Variants in AMOTL1 observed in about 807,000 individuals in gnomAD.
AMOTL1 encodes the protein angiomotin-like protein 1.
In AMOTL1, 45 loss-of-function variants were observed where a neutral mutation model predicts 102.9. That is an observed-to-expected ratio of 0.44 (90% CI 0.34 to 0.56). The LOEUF (loss-of-function observed/expected upper bound fraction) is 0.56. Among genes scored for constraint, AMOTL1 ranks in the 20% least tolerant of loss-of-function variants. The probability of loss-of-function intolerance (pLI) is 0.01; values close to 1 mark genes in which losing one functional copy is unlikely to be tolerated. For synonymous variants in AMOTL1, 481 were observed against 484.7 expected (o/e 0.99, Z 0.10); for missense variants, 1,114 against 1,225.6 (o/e 0.91, Z 1.36).
At chr11:94,744,728 T>C (rs554880077) in intron 3 of AMOTL1, among the ~76,000 whole-genome samples, 1 of 152,208 alleles carries the variant, frequency 6.6e-6, no homozygotes, top group Non-Finnish European at 1.5e-5. Flanking sequence ...TCATGGAGTT[T>C]AAATTTGTAA....
At position 94,872,349 on chromosome 11, in the gene AMOTL1, T is replaced by A. The variant is rs1450518239; in HGVS notation, c.*1554T>A. 1.3e-5 allele frequency: 2 copies of A among 152,244 alleles called. No individual in the cohort carries two copies. Among genetic ancestry groups the A allele is most frequent in the Non-Finnish European group, 2.9e-5 (2 of 68,092 alleles). 9.4% of individuals were successfully genotyped at this position (152,244 alleles called of 1,614,324 possible). On this transcript the variant is annotated 3_prime_UTR_variant, in exon 13 of 13. Coordinates refer to ENST00000433060, the MANE Select transcript of AMOTL1 (RefSeq NM_130847.3). ...TGTACCTCCAGGTCAGCTGGATCGC[T>A]GTTTTCCCAGTTCCCTTTGCTCATG... is the stretch of plus-strand genomic sequence containing the variant.
intron 3 of AMOTL1, among the ~76,000 whole-genome samples, chr11:94,750,549 G>A (rs1254069958): frequency 1.3e-5 from 2 of 152,132 alleles, no homozygotes; most frequent in African/African-American, 2.4e-5. Context: ...GGATTGGGTG[G>A]GCTACGTGTG....
rs182320374 is a variant in AMOTL1 at position 94,850,531 on chromosome 11, G to A, written c.1794+272G>A. On this transcript the variant is annotated intron_variant, in intron 7 of 12. Transcript: ENST00000433060. ...CAGCCTACAGCCCATCGGTTGACAC[G>A]TGTCCTACTCAGTCATCATGCATTG... 2.0e-4 allele frequency among the ~76,000 whole-genome samples: 30 copies of A among 152,362 alleles called. No homozygotes were observed. The East Asian group carries it at 5.0e-3, about 25-fold the overall frequency.
intron 3 of AMOTL1, among the ~76,000 whole-genome samples, chr11:94,818,169 A>G (rs1160758594): frequency 6.6e-6 from 1 of 152,246 alleles, no homozygotes; most frequent in African/African-American, 2.4e-5. Context: ...TTGGAATGGC[A>G]TACTTTTAGA....
rs761369392 is a variant in AMOTL1 at position 94,866,055 on chromosome 11, G to A, written c.2375G>A (p.Arg792His). Residue 792 changes from arginine to histidine, a missense_variant, in exon 11 of 13, where the codon CGC (arginine) becomes CAC (histidine). Arg to His is a conservative substitution (Grantham distance 29). Coordinates refer to ENST00000433060, the MANE Select transcript of AMOTL1 (RefSeq NM_130847.3). ...KTDSSSLRPA[R>H]SVPSIAAATG... ...GACTCCTCCAGCCTACGTCCTGCCCGCTCCGTTCCATCCATAGCAGCAGCT... is the reference window on the plus strand; with the variant it reads ...GACTCCTCCAGCCTACGTCCTGCCCACTCCGTTCCATCCATAGCAGCAGCT... 13 of 1,613,900 alleles carry A rather than the reference G, an allele frequency of 8.1e-6. No individual in the cohort carries two copies. Among genetic ancestry groups the A allele is most frequent in the Admixed American group, 1.7e-5 (1 of 60,012 alleles).
intron 6 of AMOTL1, among the ~76,000 whole-genome samples, chr11:94,845,382 T>C (rs781295346): frequency 1.2e-4 from 18 of 152,332 alleles, no homozygotes; most frequent in Non-Finnish European, 2.2e-4. Flanking sequence ...CATTCGACAT[T>C]GTACAAGTGT....
At chr11:94,771,394 T>C (rs1401149588) in intron 1 of AMOTL1, among the ~76,000 whole-genome samples, 1 of 152,028 alleles carries the variant, frequency 6.6e-6, no homozygotes, top group African/African-American at 2.4e-5. Context: ...ACTCAGAATT[T>C]AGTAGGTAAT....
At chr11:94,823,263 C>A (rs376586646) in intron 4 of AMOTL1, among the ~76,000 whole-genome samples, 1 of 152,196 alleles carries the variant, frequency 6.6e-6, no homozygotes, top group African/African-American at 2.4e-5. Context: ...CTGGAGCTCC[C>A]TGGAGTCAAG....
At chr11:94,743,660 T>C (rs1164180615) in intron 3 of AMOTL1, among the ~76,000 whole-genome samples, 25 of 140,640 alleles carry the variant, frequency 1.8e-4, no homozygotes, top group Non-Finnish European at 2.8e-4. Flanking sequence ...TCTTTTTTTT[T>C]TTTTTTTTTT....
intron 3 of AMOTL1, among the ~76,000 whole-genome samples, chr11:94,742,466 C>T (rs1950540312): frequency 6.6e-6 from 1 of 152,194 alleles, no homozygotes; most frequent in South Asian, 2.1e-4. Flanking sequence ...TGTTTGCCTT[C>T]ACAGAATGAT....
intron 6 of AMOTL1, among the ~76,000 whole-genome samples, chr11:94,835,487 C>G (rs1250756492): frequency 2.0e-5 from 3 of 152,194 alleles, no homozygotes; most frequent in Non-Finnish European, 2.9e-5. Context: ...TGCAGAATTC[C>G]CATCAGCTCT....
intron 12 of AMOTL1, 147 bp from the exon 13 acceptor site, chr11:94,870,542 C>T (rs1045061790): frequency 8.8e-6 from 5 of 565,940 alleles, no homozygotes; most frequent in Non-Finnish European, 1.6e-5. Context: ...TCTGCATGTT[C>T]CCACTGTGGG....
chr11:94,780,477 G>A (rs1034372218), intron 1 of AMOTL1, among the ~76,000 whole-genome samples: 3 of 152,168 alleles, frequency 2.0e-5, no homozygotes, highest in African/African-American at 7.2e-5. Context: ...TGTAATTTTA[G>A]CATAGTTTGT....
At chr11:94,782,452 A>G (rs1009321671) in intron 1 of AMOTL1, among the ~76,000 whole-genome samples, 1 of 152,188 alleles carries the variant, frequency 6.6e-6, no homozygotes, top group Non-Finnish European at 1.5e-5. Context: ...GAAATGTTTC[A>G]ATGTATGGAA....
chr11:94,787,875 C>T (rs1951219401), intron 1 of AMOTL1, among the ~76,000 whole-genome samples: 1 of 152,066 alleles, frequency 6.6e-6, no homozygotes, highest in Admixed American at 6.5e-5. Flanking sequence ...TATCGGGCAG[C>T]TCACAAATTA....
Position 94,831,872 on chromosome 11 carries a change from T to C in AMOTL1, c.1648+331T>C, listed in dbSNP as rs537398023. The stretch of plus-strand genomic sequence containing the variant: ...GTTACAACCCTTTTTCTCCAGGAAA[T>C]GGAAGGCAGCCTAGTGGTGGGGTTT... On this transcript the variant is annotated intron_variant, in intron 6 of 12. Coordinates refer to ENST00000433060, the MANE Select transcript of AMOTL1 (RefSeq NM_130847.3). 2.6e-5 allele frequency among the ~76,000 whole-genome samples: 4 copies of C among 152,266 alleles called. 1 individual carries two copies. The South Asian group carries it at 8.3e-4, about 32-fold the overall frequency.
intron 6 of AMOTL1, among the ~76,000 whole-genome samples, chr11:94,842,119 G>A (rs1360781384): frequency 6.6e-6 from 1 of 152,144 alleles, no homozygotes. Context: ...ACAAGTATTT[G>A]AAAACTGTTT....
rs73527819 is a variant in AMOTL1 at position 94,747,560 on chromosome 11, C to A, written c.136+6572C>A. On this transcript the variant is annotated intron_variant, in intron 3 of 4. Transcript: ENST00000299004. ...AATAATAACTTAAATATTTCCCAGT[C>A]TCCTCCTACCCCCTTGTCCTCCAAA... Among the ~76,000 whole-genome samples, 1,513 of 152,310 alleles carry A rather than the reference C, an allele frequency of 9.9e-3. 20 individuals carry two copies. The highest frequency in any genetic ancestry group is 0.035 in the African/African-American group (1,459 of 41,556).
rs1952072099 is a variant in AMOTL1, at chr11:94,831,535, T to C, written c.1642T>C (p.Ser548Pro). 6.2e-7 allele frequency: 1 copy of C among 1,613,274 alleles called. No homozygotes were observed. The highest frequency in any genetic ancestry group is 2.2e-5 in the East Asian group (1 of 44,890). ...CAAAGCTGCAGAGGGGCATTATGCT[T>C]CCCAGAGTGAGTCTCCACTTATTTA... is the stretch of plus-strand genomic sequence containing the variant. ...EDKAAEGHYASQNKEFLKEKE... is the reference protein window; with the variant it reads ...EDKAAEGHYAPQNKEFLKEKE... Residue 548 changes from serine to proline, a missense_variant, in exon 6 of 13, where the codon TCC (serine) becomes CCC (proline). Coordinates refer to ENST00000433060, the MANE Select transcript of AMOTL1 (RefSeq NM_130847.3).
Sources: gnomAD v4.1 joint callset for allele counts (sites outside exome capture counted in the v4.1 genomes callset) on GRCh38, gnomAD v4.1.1 for gene constraint, MANE v1.5 for transcripts, NCBI Gene and HGNC (gene_info 2026-07-23, HGNC 2026-07-21) for gene names.